The following KIRREL3 variants were observed in gnomAD, a reference collection of about 807,000 sequenced individuals.
KIRREL3 encodes the protein kirre like nephrin family adhesion molecule 3.
A neutral mutation model predicts 89.7 loss-of-function variants in KIRREL3; 36 were observed. The ratio of observed to expected loss-of-function variants is 0.40; its 90% CI spans 0.31 to 0.53. The LOEUF (loss-of-function observed/expected upper bound fraction) is 0.53. KIRREL3 is among the 20% of genes least tolerant of loss of function. The probability of loss-of-function intolerance (pLI) is 0.49; values close to 1 mark genes in which losing one functional copy is unlikely to be tolerated. For synonymous variants in KIRREL3, 445 were observed against 441.4 expected (o/e 1.01, Z -0.10); for missense variants, 864 against 1,056.6 (o/e 0.82, Z 2.53).
chr11:126,930,833 A>G (rs987940506), intron 1 of KIRREL3, among the ~76,000 whole-genome samples: 13 of 152,184 alleles, frequency 8.5e-5, no homozygotes, highest in African/African-American at 2.7e-4. Flanking sequence ...ACCCCTGCAC[A>G]CAGCTGACCA....
intron 1 of KIRREL3, among the ~76,000 whole-genome samples, chr11:126,663,401 G>T (rs1945513585): frequency 6.6e-6 from 1 of 151,926 alleles, no homozygotes; most frequent in Non-Finnish European, 1.5e-5. Context: ...TAGCCAGGAT[G>T]GTCTCGATGT....
rs1942912065 is a variant in KIRREL3, at chr11:126,606,872, G to A, written c.56-43960C>T. Among the ~76,000 whole-genome samples, 2 of 152,002 alleles carry A rather than the reference G, an allele frequency of 1.3e-5. No homozygotes were observed. The highest frequency in any genetic ancestry group is 2.9e-5 in the Non-Finnish European group (2 of 68,008). On this transcript the variant is annotated intron_variant, in intron 1 of 16. Coordinates refer to ENST00000525144, the MANE Select transcript of KIRREL3 (RefSeq NM_032531.4). The surrounding 1 kb of genome is among the most constrained non-coding windows in gnomAD (Gnocchi z 4.6). ...ATTAAAGATGGGAAGGGATTTGGGGGGTCAAGGGAGGACTCTGGATGGGAA... is the reference window on the plus strand; with the variant it reads ...ATTAAAGATGGGAAGGGATTTGGGGAGTCAAGGGAGGACTCTGGATGGGAA...
At chr11:126,743,880 A>G (rs950060593) in intron 1 of KIRREL3, among the ~76,000 whole-genome samples, 1 of 152,180 alleles carries the variant, frequency 6.6e-6, no homozygotes, top group African/African-American at 2.4e-5. Flanking sequence ...TGGTATGTAT[A>G]TGAGTGTGTG....
rs1325091476 is a variant in KIRREL3 at position 126,811,963 on chromosome 11, G to T, written c.55+188492C>A. ...AGTCAAGAGACAATCTCTGAATTCA[G>T]CCCTCCCCGTCCCCCAGCACTGGTA... is the stretch of plus-strand genomic sequence containing the variant. On this transcript the variant is annotated intron_variant, in intron 1 of 16. Coordinates refer to ENST00000525144, the MANE Select transcript of KIRREL3 (RefSeq NM_032531.4). This position sits in a 1 kb window ranked among gnomAD's most constrained non-coding sequence, Gnocchi z 4.3. Among the ~76,000 whole-genome samples, 1 of 152,148 alleles carries T rather than the reference G, an allele frequency of 6.6e-6. No homozygotes were observed. Among genetic ancestry groups the T allele is most frequent in the Non-Finnish European group, 1.5e-5 (1 of 68,028 alleles).
rs1948729567 is a variant in KIRREL3, at chr11:126,734,257, T to C, written c.56-171345A>G. On this transcript the variant is annotated intron_variant, in intron 1 of 16. Coordinates refer to ENST00000525144, the MANE Select transcript of KIRREL3 (RefSeq NM_032531.4). The surrounding 1 kb of genome is among the most constrained non-coding windows in gnomAD (Gnocchi z 5.9). ...CAGAAAAAAAGCTCTACTTTTGGGA[T>C]CTATGGCAGGTTCTTGGGGTCATTT... 6.6e-6 allele frequency among the ~76,000 whole-genome samples: 1 copy of C among 152,210 alleles called. No homozygotes were observed. Among genetic ancestry groups the C allele is most frequent in the African/African-American group, 2.4e-5 (1 of 41,458 alleles).
At chr11:126,589,174 A>G (rs753015214) in intron 1 of KIRREL3, among the ~76,000 whole-genome samples, 12 of 152,230 alleles carry the variant, frequency 7.9e-5, no homozygotes, top group Non-Finnish European at 2.9e-5. Flanking sequence ...GGCTGGAGAC[A>G]ATATTTCTCC....
intron 1 of KIRREL3, among the ~76,000 whole-genome samples, chr11:126,925,465 G>C (rs969325206): frequency 1.3e-5 from 2 of 152,156 alleles, no homozygotes; most frequent in African/African-American, 4.8e-5. Context: ...AGGCCAGCTT[G>C]GGGGATTTAC....
chr11:126,800,190 C>A (rs568363537), intron 1 of KIRREL3, among the ~76,000 whole-genome samples: 16 of 152,232 alleles, frequency 1.1e-4, no homozygotes, highest in Non-Finnish European at 2.2e-4. Flanking sequence ...GGGAAGTAAT[C>A]TAGACCAGCT....
intron 4 of KIRREL3, among the ~76,000 whole-genome samples, chr11:126,504,879 A>G (rs1473688490): frequency 6.6e-6 from 1 of 152,250 alleles, no homozygotes; most frequent in Non-Finnish European, 1.5e-5. Context: ...GTAATACACT[A>G]TATTAATAGA....
In KIRREL3 at chr11:126,445,042, C is replaced by T. The variant is rs757913952; in HGVS notation, c.1189G>A (p.Val397Met). The change falls in exon 10 of 17, where the codon GTG (valine) becomes ATG (methionine). Residue 397 changes from valine to methionine, a missense_variant. Coordinates refer to ENST00000525144, the MANE Select transcript of KIRREL3 (RefSeq NM_032531.4). ...ACACGGGGCACCACAGCCCGGCACA[C>T]GTACTTGCCCGCGTCCTCCTGGCGC... ...SVRQEDAGKY[V>M]CRAVVPRVGA... 100 of 1,613,886 alleles carry T rather than the reference C, an allele frequency of 6.2e-5. 1 individual carries two copies. The highest frequency in any genetic ancestry group is 2.2e-4 in the South Asian group (20 of 91,090).
In KIRREL3 at chr11:126,428,750, A is replaced by G. The variant is rs1016395114; in HGVS notation, c.1806+429T>C. 1.3e-5 allele frequency among the ~76,000 whole-genome samples: 2 copies of G among 152,032 alleles called. No individual in the cohort carries two copies. The highest frequency in any genetic ancestry group is 2.9e-5 in the Non-Finnish European group (2 of 67,990). The stretch of plus-strand genomic sequence containing the variant: ...CAACCTCCACCTCCTGGGTTCAAGC[A>G]ATTCTCCTGCCTCAGCTTCCCAAGT... On this transcript the variant is annotated intron_variant, in intron 15 of 16. Transcript: ENST00000525144. The surrounding 1 kb of genome is among the most constrained non-coding windows in gnomAD (Gnocchi z 6.4).
intron 1 of KIRREL3, among the ~76,000 whole-genome samples, chr11:126,956,279 C>T (rs1490747279): frequency 6.6e-6 from 1 of 152,230 alleles, no homozygotes; most frequent in Non-Finnish European, 1.5e-5. Context: ...TTCCTAGAGA[C>T]TCCGCTCAGC....
chr11:126,852,870 C>CA (rs1944388634), intron 1 of KIRREL3, among the ~76,000 whole-genome samples: 2 of 152,152 alleles, frequency 1.3e-5, no homozygotes, highest in Non-Finnish European at 2.9e-5. Flanking sequence ...TGAGCAGAGG[C>CA]TGCACCATCC....
intron 6 of KIRREL3, among the ~76,000 whole-genome samples, chr11:126,461,923 G>A (rs889260331): frequency 3.3e-5 from 5 of 152,222 alleles, no homozygotes; most frequent in African/African-American, 1.2e-4. Context: ...TCAGAGCCCA[G>A]GACAGAAGCA....
chr11:126,467,021 CTG>C (rs1956745922), intron 5 of KIRREL3, among the ~76,000 whole-genome samples: 1 of 152,238 alleles, frequency 6.6e-6, no homozygotes, highest in South Asian at 2.1e-4. Context: ...GACCCAGCTC[CTG>C]TGTGTGCAGA....
Position 126,496,054 on chromosome 11 carries a change from T to C in KIRREL3, c.434-22588A>G, listed in dbSNP as rs1293255630. ...ACATGTGACCCCAGCCCCTCCTATG[T>C]CTGATTGCAGAGATCCAGAACCATT... is the stretch of plus-strand genomic sequence containing the variant. On this transcript the variant is annotated intron_variant, in intron 4 of 16. Transcript: ENST00000525144. This position sits in a 1 kb window ranked among gnomAD's most constrained non-coding sequence, Gnocchi z 4.9. Among the ~76,000 whole-genome samples, 3 of 152,156 alleles carry C rather than the reference T, an allele frequency of 2.0e-5. No homozygotes were observed. Among genetic ancestry groups the C allele is most frequent in the African/African-American group, 7.2e-5 (3 of 41,434 alleles).
chr11:126,913,824 G>A lies in KIRREL3; in HGVS notation c.55+86631C>T, dbSNP rs570701034. Among the ~76,000 whole-genome samples, 53 of 152,276 alleles carry A rather than the reference G, an allele frequency of 3.5e-4. 2 individuals are homozygous for A. In the South Asian group the frequency reaches 0.011, roughly 32 times the overall value. ...AAGAGGCCTGGCAGAGTAGAGTGCA[G>A]GTGGAGTCTGGGGACCGCATAGCAG... On this transcript the variant is annotated intron_variant, in intron 1 of 16. Transcript: ENST00000525144.
rs1957044836 is a variant in KIRREL3, at chr11:126,475,701, C to T, written c.434-2235G>A. ...ACCCCCCAGCCGCCCACCCCACACC[C>T]TTTCATTAGTGCCCATGGGCCTCCT... On this transcript the variant is annotated intron_variant, in intron 4 of 16. Transcript: ENST00000525144. The surrounding 1 kb of genome is among the most constrained non-coding windows in gnomAD (Gnocchi z 7.5). Among the ~76,000 whole-genome samples the T allele has an allele frequency of 6.6e-6, 1 of 152,240 alleles. No homozygotes were observed. The highest frequency in any genetic ancestry group is 1.5e-5 in the Non-Finnish European group (1 of 68,036).
rs2134155768 is a variant in KIRREL3 at position 126,715,046 on chromosome 11, T to A, written c.56-152134A>T. Among the ~76,000 whole-genome samples the A allele has an allele frequency of 6.6e-6, 1 of 152,320 alleles. No individual in the cohort carries two copies. Among genetic ancestry groups the A allele is most frequent in the East Asian group, 1.9e-4 (1 of 5,192 alleles). On this transcript the variant is annotated intron_variant, in intron 1 of 16. Transcript: ENST00000525144. The surrounding 1 kb of genome is among the most constrained non-coding windows in gnomAD (Gnocchi z 4.4). ...TAAACTCACACCCCACCTTTCTGTG[T>A]GGCTGCATGGCTGGGGACTCCATCC... is the stretch of plus-strand genomic sequence containing the variant.
Sources: allele counts gnomAD v4.1 joint callset (sites outside exome capture counted in the v4.1 genomes callset), GRCh38; gene constraint gnomAD v4.1.1; non-coding constraint Gnocchi (gnomAD v3.1); transcripts MANE v1.5; gene names NCBI Gene and HGNC (gene_info 2026-07-23, HGNC 2026-07-21).